The following FBXL19 variants were observed in gnomAD, a reference collection of about 807,000 sequenced individuals.
FBXL19 encodes the protein F-box and leucine rich repeat protein 19, also known as F-box/LRR-repeat protein 19.
FBXL19 carries 16 observed loss-of-function variants against 71.2 expected under a neutral mutation model. That is an observed-to-expected ratio of 0.22 (90% CI 0.15 to 0.34). The LOEUF is 0.34. Among genes scored for constraint, FBXL19 ranks in the 10% least tolerant of loss-of-function variants. The pLI is 1.00. For missense variants in FBXL19, 658 were observed against 968.2 expected (o/e 0.68, Z 4.25); for synonymous variants, 447 against 409.4 (o/e 1.09, Z -1.11).
rs768031313 is a variant in FBXL19, at chr16:30,930,264, C to T, written c.981C>T (p.Pro327=). The change falls in exon 7 of 11, where the codon CCC becomes CCT. Residue 327 remains proline (P), a synonymous_variant. Transcript: ENST00000338343. This position sits in a 1 kb window ranked among gnomAD's most constrained non-coding sequence, Gnocchi z 8.5. ...SGTSLSEDEA[P]GEARNGRRPA... The stretch of plus-strand genomic sequence containing the variant: ...CATCGCTGAGTGAGGACGAAGCCCC[C>T]GGCGAGGCCCGGAATGGGCGACGGC... The T allele has an allele frequency of 1.1e-5, 18 of 1,612,614 alleles. No homozygotes were observed. Among genetic ancestry groups the T allele is most frequent in the Middle Eastern group, 1.6e-4 (1 of 6,082 alleles).
At position 30,927,903 on chromosome 16, in the gene FBXL19, T is replaced by C; in HGVS notation, c.567T>C (p.Pro189=). The change falls in exon 5 of 11, where the codon CCT becomes CCC. Residue 189 remains proline (P), a synonymous_variant. Coordinates refer to ENST00000338343, the MANE Select transcript of FBXL19 (RefSeq NM_001382779.1). ...LPAGPPPEDV[P]GPPKRKEREA... The stretch of plus-strand genomic sequence containing the variant: ...CCGGGCCCCCCCCGGAGGACGTGCC[T>C]GGGCCCCCCAAACGAAAGGAAAGGG... 6.5e-7 allele frequency: 1 copy of C among 1,541,786 alleles called. No homozygotes were observed. The highest frequency in any genetic ancestry group is 8.7e-7 in the Non-Finnish European group (1 of 1,150,964).
At position 30,927,771 on chromosome 16, in the gene FBXL19, T is replaced by A. The variant is rs759805388; in HGVS notation, c.435T>A (p.Arg145=). 2.2e-5 allele frequency: 35 copies of A among 1,557,400 alleles called. No homozygotes were observed. In the South Asian group the frequency reaches 3.6e-4, roughly 16 times the overall value. Residue 145 remains arginine (R), a synonymous_variant, in exon 5 of 11, where the codon CGT becomes CGA. Transcript: ENST00000338343. ...ATTCAGGTGAGGGGCCTGGCCGCCG[T>A]AGGGCCGACAACGGCGAGGAGGGCG... The part of the protein sequence containing the change: ...SKDSGEGPGR[R]RADNGEEGAS...
At chr16:30,932,554 G>A (rs1029814437) in intron 7 of FBXL19, among the ~76,000 whole-genome samples, 4 of 152,204 alleles carry the variant, frequency 2.6e-5, no homozygotes, top group Admixed American at 6.5e-5. Flanking sequence ...CACTGGCTGC[G>A]TGGCCATGTG....
chr16:30,934,052 G>A (rs1022212099), intron 7 of FBXL19, among the ~76,000 whole-genome samples: 2 of 151,462 alleles, frequency 1.3e-5, no homozygotes, highest in African/African-American at 2.4e-5. Context: ...CACGCCCGGT[G>A]TAAGGACTTT....
intron 7 of FBXL19, among the ~76,000 whole-genome samples, chr16:30,941,716 A>G (rs1170621366): frequency 5.9e-5 from 9 of 152,096 alleles, no homozygotes; most frequent in Admixed American, 5.9e-4. Context: ...ACTGGATAAC[A>G]CCAGTCCCCT....
rs1264987979 is a variant in FBXL19 at position 30,925,786 on chromosome 16, G to C, written c.32G>C (p.Gly11Ala). The change falls in exon 2 of 11, where the codon GGA becomes GCA. Residue 11 changes from glycine to alanine, a missense_variant. This residue lies in a region of FBXL19 where 25 missense variants were observed against 19.3 expected (regional missense o/e 1.30). Coordinates refer to ENST00000338343, the MANE Select transcript of FBXL19 (RefSeq NM_001382779.1). The surrounding 1 kb of genome is among the most constrained non-coding windows in gnomAD (Gnocchi z 5.0). Reference protein sequence around the residue: MSSSSRGPGAGARRRRTRCRR... With the variant: MSSSSRGPGAAARRRRTRCRR... ...TCGAGCAGCCGGGGGCCGGGGGCCG[G>C]AGCGCGCCGACGCCGAACCCGCTGC... The C allele has an allele frequency of 4.7e-6, 7 of 1,490,590 alleles. No homozygotes were observed. Among genetic ancestry groups the C allele is most frequent in the Non-Finnish European group, 6.2e-6 (7 of 1,124,244 alleles). 92.3% of individuals were successfully genotyped at this position (1,490,590 alleles called of 1,614,324 possible).
At chr16:30,929,762 G>A (rs2055647300) in intron 6 of FBXL19, among the ~76,000 whole-genome samples, 2 of 152,162 alleles carry the variant, frequency 1.3e-5, no homozygotes, top group Admixed American at 6.5e-5. Context: ...CACTATGTTG[G>A]CCAGGATGGT....
Position 30,942,016 on chromosome 16 carries a change from G to T in FBXL19, c.1302-100G>T. 7.5e-7 allele frequency: 1 copy of T among 1,337,660 alleles called. No homozygotes were observed. 82.9% of individuals were successfully genotyped at this position (1,337,660 alleles called of 1,614,324 possible). On this transcript the variant is annotated intron_variant, in intron 7 of 10. Transcript: ENST00000338343. This position sits in a 1 kb window ranked among gnomAD's most constrained non-coding sequence, Gnocchi z 5.7. The stretch of plus-strand genomic sequence containing the variant: ...TGCTACCCTGTTGTCTGTGTGGCCA[G>T]AAGAGAGCTGGGGTGCACCCTTGGA...
chr16:30,929,389 C>T (rs1383985340), intron 6 of FBXL19, among the ~76,000 whole-genome samples: 1 of 152,130 alleles, frequency 6.6e-6, no homozygotes, highest in Admixed American at 6.5e-5. Context: ...AGTTGATAGA[C>T]AGACGCCTGC....
chr16:30,940,273 A>G (rs1211358770), intron 7 of FBXL19, among the ~76,000 whole-genome samples: 2 of 151,502 alleles, frequency 1.3e-5, no homozygotes, highest in Admixed American at 1.3e-4. Flanking sequence ...AAAAAAAAAA[A>G]GTCAGGTGTG....
rs2055817516 is a variant in FBXL19, at chr16:30,942,869, G to T, written c.1627+333G>T. ...TAAATCTCATCATCCTTTAGGCCTG[G>T]GTATAAATGCCACTTCCTCCAAGAA... On this transcript the variant is annotated intron_variant, in intron 9 of 10. Coordinates refer to ENST00000338343, the MANE Select transcript of FBXL19 (RefSeq NM_001382779.1). This position sits in a 1 kb window ranked among gnomAD's most constrained non-coding sequence, Gnocchi z 5.7. Among the ~76,000 whole-genome samples the T allele has an allele frequency of 6.6e-6, 1 of 152,126 alleles. No individual in the cohort carries two copies. The highest frequency in any genetic ancestry group is 1.5e-5 in the Non-Finnish European group (1 of 68,024).
intron 9 of FBXL19, among the ~76,000 whole-genome samples, chr16:30,944,169 CTTTTTTTTT>C (rs761103868): frequency 7.9e-5 from 5 of 62,936 alleles, no homozygotes; most frequent in Admixed American, 3.8e-4. Context: ...GAAGGTGGGC[CTTTTTTTTT>C]TTTTTTTTTT....
chr16:30,939,336 G>A (rs1034659531), intron 7 of FBXL19, among the ~76,000 whole-genome samples: 7 of 151,872 alleles, frequency 4.6e-5, no homozygotes, highest in Non-Finnish European at 7.4e-5. Flanking sequence ...CTCCCAAAGT[G>A]CTGGGATTAC....
At chr16:30,935,007 G>A (rs1465297839) in intron 7 of FBXL19, among the ~76,000 whole-genome samples, 1 of 152,208 alleles carries the variant, frequency 6.6e-6, no homozygotes, top group Non-Finnish European at 1.5e-5. Context: ...CCAGAGGTGT[G>A]CCCCCGAGTA....
intron 7 of FBXL19, among the ~76,000 whole-genome samples, chr16:30,940,815 C>T (rs998139450): frequency 7.9e-5 from 12 of 152,012 alleles, no homozygotes; most frequent in Admixed American, 5.9e-4. Flanking sequence ...TACAGGCGCC[C>T]GCCACCATGC....
At chr16:30,938,272 T>C (rs1168101957) in intron 7 of FBXL19, among the ~76,000 whole-genome samples, 1 of 151,948 alleles carries the variant, frequency 6.6e-6, no homozygotes, top group African/African-American at 2.4e-5. Context: ...CCCAGCACTT[T>C]GGGAGGCTGA....
chr16:30,944,301 C>T (rs1214550028), intron 9 of FBXL19, among the ~76,000 whole-genome samples: 1 of 147,334 alleles, frequency 6.8e-6, no homozygotes, highest in African/African-American at 2.5e-5. Context: ...ATTATTTCAT[C>T]ACCCAGGTAT....
At chr16:30,941,704 C>T (rs1404373162) in intron 7 of FBXL19, among the ~76,000 whole-genome samples, 1 of 152,128 alleles carries the variant, frequency 6.6e-6, no homozygotes, top group Non-Finnish European at 1.5e-5. Flanking sequence ...TGGCTGGAGA[C>T]GACTGGATAA....
At chr16:30,939,049 C>G (rs920724522) in intron 7 of FBXL19, among the ~76,000 whole-genome samples, 1 of 152,008 alleles carries the variant, frequency 6.6e-6, no homozygotes, top group Non-Finnish European at 1.5e-5. Flanking sequence ...TTTAATAACT[C>G]TGGTCTTTTT....
Sources: gnomAD v4.1 joint callset for allele counts (sites outside exome capture counted in the v4.1 genomes callset) on GRCh38, gnomAD v4.1.1 for gene constraint, gnomAD v4.1.1 regional missense constraint, Gnocchi (gnomAD v3.1) non-coding constraint, MANE v1.5 for transcripts, NCBI Gene and HGNC (gene_info 2026-07-23, HGNC 2026-07-21) for gene names.